HUNK: variants seen among roughly 807,000 people sequenced by gnomAD.
HUNK encodes hormonally up-regulated Neu-associated kinase.
HUNK carries 21 observed loss-of-function variants against 61.0 expected under a neutral mutation model. The observed-to-expected ratio is 0.34, with a 90% CI of 0.24 to 0.50. The LOEUF (loss-of-function observed/expected upper bound fraction) is 0.50. Ranked by LOEUF, HUNK falls within the 20% of genes least tolerant of loss-of-function variation. HUNK has a pLI of 0.98. For synonymous variants in HUNK, 371 were observed against 386.1 expected (o/e 0.96, Z 0.46); for missense variants, 772 against 945.7 (o/e 0.82, Z 2.41).
rs1334607066 is a variant in HUNK at position 32,002,590 on chromosome 21, T to G, written c.*3406T>G. 6.6e-6 allele frequency: 1 copy of G among 152,222 alleles called. No homozygotes were observed. Among genetic ancestry groups the G allele is most frequent in the East Asian group, 1.9e-4 (1 of 5,198 alleles). The allele number at this position is 152,222 out of a possible 1,614,324, so 9.4% of individuals were successfully genotyped here. On this transcript the variant is annotated 3_prime_UTR_variant, in exon 11 of 11. Coordinates refer to ENST00000270112, the MANE Select transcript of HUNK (RefSeq NM_014586.2). ...GGATATTAGGATCTTCCTTGGAGAC[T>G]CTGAAAATGGCACACAAAGAATGGC...
chr21:31,896,970 C>T (rs185396624), intron 1 of HUNK, among the ~76,000 whole-genome samples: 6 of 152,242 alleles, frequency 3.9e-5, no homozygotes, highest in East Asian at 1.9e-4. Flanking sequence ...TAGGGCCAGG[C>T]GCGGTGGCTC....
At chr21:31,926,068 G>A (rs1352193026) in intron 2 of HUNK, among the ~76,000 whole-genome samples, 1 of 152,222 alleles carries the variant, frequency 6.6e-6, no homozygotes, top group East Asian at 1.9e-4. Context: ...ACAGGCATGT[G>A]CCACAACGCC....
rs762969657 is a variant in HUNK at position 31,998,939 on chromosome 21, G to C, written c.1900G>C (p.Glu634Gln). 2 of 1,614,230 alleles carry C rather than the reference G, an allele frequency of 1.2e-6. No homozygotes were observed. The highest frequency in any genetic ancestry group is 1.7e-6 in the Non-Finnish European group (2 of 1,180,044). The change falls in exon 11 of 11, where the codon GAG (glutamate) becomes CAG (glutamine). Residue 634 changes from glutamate (E) to glutamine (Q), a missense_variant. Glu to Gln is a conservative substitution (Grantham distance 29, BLOSUM62 2). Coordinates refer to ENST00000270112, the MANE Select transcript of HUNK (RefSeq NM_014586.2). The stretch of plus-strand genomic sequence containing the variant: ...AGATAAGAACAGCCCCCCAAAAGAG[G>C]AGGGCCTGTGTTGCCCACCTCCGGT... ...HEDKNSPPKE[E>Q]GLCCPPPVPS...
intron 9 of HUNK, among the ~76,000 whole-genome samples, chr21:31,993,869 G>A (rs1027120895): frequency 2.6e-5 from 4 of 152,094 alleles, no homozygotes; most frequent in African/African-American, 9.7e-5. Flanking sequence ...GGAACATTCA[G>A]ATCCCACTGC....
chr21:31,920,011 A>G (rs969984492), intron 1 of HUNK, among the ~76,000 whole-genome samples: 1 of 152,214 alleles, frequency 6.6e-6, no homozygotes, highest in Non-Finnish European at 1.5e-5. Context: ...TCTGGAGGCC[A>G]GAAGTCTTAA....
At chr21:31,949,304 C>G (rs916527328) in intron 4 of HUNK, among the ~76,000 whole-genome samples, 1 of 152,134 alleles carries the variant, frequency 6.6e-6, no homozygotes, top group African/African-American at 2.4e-5. Context: ...CATTGCTAGT[C>G]ATAGACTTCA....
intron 2 of HUNK, among the ~76,000 whole-genome samples, chr21:31,934,327 C>T (rs1459261173): frequency 2.0e-5 from 3 of 151,160 alleles, no homozygotes; most frequent in African/African-American, 7.3e-5. Flanking sequence ...CCTGTAGTCC[C>T]AGCTACTCAG....
chr21:31,968,889 G>GT (rs1232390545), intron 6 of HUNK, among the ~76,000 whole-genome samples: 6 of 149,830 alleles, frequency 4.0e-5, no homozygotes, highest in East Asian at 2.0e-4. Context: ...TCTTTGTTTT[G>GT]TTTTTTTAAT....
Position 31,974,633 on chromosome 21 carries a change from C to T in HUNK, c.1089C>T (p.Ile363=), listed in dbSNP as rs1231932712. ...TGGGTTACAAGAACAGCGACGTGAT[C>T]AACACTGTGCTCTCCAACCGCGCCT... ...EKLGYKNSDV[I]NTVLSNRACH... is the part of the protein sequence containing the mutation. Residue 363 remains isoleucine (I), a synonymous_variant, in exon 7 of 11, where the codon ATC becomes ATT. Transcript: ENST00000270112. 7 of 1,613,824 alleles carry T rather than the reference C, an allele frequency of 4.3e-6. No individual in the cohort carries two copies. Among genetic ancestry groups the T allele is most frequent in the Non-Finnish European group, 2.5e-6 (3 of 1,179,944 alleles).
chr21:31,982,273 A>G (rs1462894422), intron 7 of HUNK, among the ~76,000 whole-genome samples: 1 of 152,210 alleles, frequency 6.6e-6, no homozygotes, highest in African/African-American at 2.4e-5. Flanking sequence ...TGCTTAAATC[A>G]TAGGGCATAC....
intron 1 of HUNK, among the ~76,000 whole-genome samples, chr21:31,904,173 T>G (rs2052489222): frequency 6.6e-6 from 1 of 152,084 alleles, no homozygotes; most frequent in Non-Finnish European, 1.5e-5. Flanking sequence ...TGGCCTTTTA[T>G]GTTCAAATAT....
chr21:31,963,609 G>A (rs55633131), intron 5 of HUNK, among the ~76,000 whole-genome samples: 11 of 152,222 alleles, frequency 7.2e-5, no homozygotes, highest in Non-Finnish European at 1.0e-4. Context: ...CAGTCTTCCC[G>A]CCTCAGCCTC....
chr21:31,940,764 A>T (rs79398712), intron 3 of HUNK, among the ~76,000 whole-genome samples: 2,746 of 152,164 alleles, frequency 0.018, 122 homozygotes, highest in East Asian at 0.14. Context: ...TCACTGCACA[A>T]CTCGTTTTCT....
At chr21:31,973,058 C>G (rs754108071) in intron 6 of HUNK, among the ~76,000 whole-genome samples, 4 of 152,148 alleles carry the variant, frequency 2.6e-5, no homozygotes, top group Non-Finnish European at 4.4e-5. Flanking sequence ...CTTCAGACCC[C>G]TTGACATGGA....
chr21:31,984,408 T>C (rs2053119025), intron 8 of HUNK, among the ~76,000 whole-genome samples: 1 of 152,002 alleles, frequency 6.6e-6, no homozygotes, highest in Non-Finnish European at 1.5e-5. Flanking sequence ...ATGCAAATGC[T>C]AGAAAAAAAT....
At chr21:31,979,878 C>T (rs894646620) in intron 7 of HUNK, among the ~76,000 whole-genome samples, 3 of 152,106 alleles carry the variant, frequency 2.0e-5, no homozygotes. Context: ...TTCCATAGAT[C>T]TCTTTACTCT....
At chr21:31,960,368 A>G (rs1234362026) in intron 5 of HUNK, among the ~76,000 whole-genome samples, 2 of 143,494 alleles carry the variant, frequency 1.4e-5, no homozygotes, top group African/African-American at 2.7e-5. Context: ...ACAAGGGGAT[A>G]GAGAGTAAAA....
At position 31,924,499 on chromosome 21, in the gene HUNK, C is replaced by T. The variant is rs758015472; in HGVS notation, c.293C>T (p.Ala98Val). 3 of 1,613,912 alleles carry T rather than the reference C, an allele frequency of 1.9e-6. No homozygotes were observed. In the Admixed American group the frequency reaches 5.0e-5, roughly 27 times the overall value. Residue 98 changes from alanine (A) to valine (V), a missense_variant, in exon 2 of 11, where the codon GCC becomes GTC. By Grantham distance (64) the Ala-to-Val change is moderately conservative (BLOSUM62 0). Coordinates refer to ENST00000270112, the MANE Select transcript of HUNK (RefSeq NM_014586.2). This position sits in a 1 kb window ranked among gnomAD's most constrained non-coding sequence, Gnocchi z 5.1. ...VAIKVIDKKR[A>V]KKDTYVTKNL... ...ATAAAAGTCATTGATAAGAAGAGAG[C>T]CAAAAAGGACACCTATGTCACCAAA...
chr21:31,998,424 C>T (rs957004011), intron 10 of HUNK, 102 bp from the exon 11 acceptor site: 42 of 1,156,508 alleles, frequency 3.6e-5, no homozygotes, highest in Middle Eastern at 2.0e-4. Flanking sequence ...CTGACCTTGG[C>T]GGGAACTGTC....
Sources: allele counts gnomAD v4.1 joint callset (sites outside exome capture counted in the v4.1 genomes callset), GRCh38; gene constraint gnomAD v4.1.1; non-coding constraint Gnocchi (gnomAD v3.1); transcripts MANE v1.5; gene names NCBI Gene and HGNC (gene_info 2026-07-23, HGNC 2026-07-21).